The following STIMATE variants were observed in gnomAD, a reference collection of about 807,000 sequenced individuals.
The protein encoded by STIMATE is store-operated calcium entry regulator STIMATE.
A neutral mutation model predicts 36.7 loss-of-function variants in STIMATE; 15 were observed. The observed-to-expected ratio is 0.41, with a 90% CI of 0.27 to 0.63. The LOEUF (loss-of-function observed/expected upper bound fraction) is 0.63, where lower values mean the gene tolerates loss of function less well. STIMATE is among the 20% of genes least tolerant of loss of function. The pLI, the probability that STIMATE is intolerant of heterozygous loss-of-function variation, is 0.32. For synonymous variants in STIMATE, 163 were observed against 162.3 expected (o/e 1.00, Z -0.03); for missense variants, 305 against 397.3 (o/e 0.77, Z 1.98).
chr3:52,845,381 C>G (rs1447823715), intron 4 of STIMATE, among the ~76,000 whole-genome samples: 1 of 152,230 alleles, frequency 6.6e-6, no homozygotes, highest in Non-Finnish European at 1.5e-5. Flanking sequence ...GATGATGAAG[C>G]AGGACCCAGT....
intron 1 of STIMATE, among the ~76,000 whole-genome samples, chr3:52,894,788 G>A (rs1403400454): frequency 6.6e-6 from 1 of 152,216 alleles, no homozygotes; most frequent in African/African-American, 2.4e-5. Context: ...CGTTCCAGAA[G>A]ACAGGCAGTG....
chr3:52,852,791 AC>A, intron 2 of STIMATE, 93 bp from the exon 3 acceptor site: 1 of 1,482,134 alleles, frequency 6.7e-7, no homozygotes. Context: ...GAAGAAAGCC[AC>A]CCCAACCTTC....
intron 1 of STIMATE, among the ~76,000 whole-genome samples, chr3:52,855,902 A>G (rs2106674743): frequency 6.6e-6 from 1 of 152,366 alleles, no homozygotes; most frequent in African/African-American, 2.4e-5. Flanking sequence ...AGACACGTAC[A>G]TATCACATAC....
intron 1 of STIMATE, among the ~76,000 whole-genome samples, chr3:52,888,083 C>A (rs1315062560): frequency 4.0e-5 from 5 of 125,558 alleles, no homozygotes; most frequent in African/African-American, 1.5e-4. Context: ...GGGCTCTTGA[C>A]AGAAAAAAAA....
chr3:52,845,774 C>T (rs1700884693), intron 4 of STIMATE, among the ~76,000 whole-genome samples: 1 of 152,080 alleles, frequency 6.6e-6, no homozygotes, highest in African/African-American at 2.4e-5. Context: ...ATATGAAGAA[C>T]CCTAGGGTGG....
At chr3:52,848,436 G>C (rs1163965335) in intron 4 of STIMATE, 1 of 152,244 alleles carries the variant, frequency 6.6e-6, no homozygotes, top group African/African-American at 2.4e-5. Flanking sequence ...TGATGTATCC[G>C]AACCAGACCT....
At chr3:52,860,054 CTTTT>C (rs11295590) in intron 1 of STIMATE, among the ~76,000 whole-genome samples, 10 of 132,480 alleles carry the variant, frequency 7.5e-5, no homozygotes, top group Non-Finnish European at 1.1e-4. Flanking sequence ...AGTCCAGATT[CTTTT>C]TTTTTTTTTT....
intron 1 of STIMATE, among the ~76,000 whole-genome samples, chr3:52,874,249 G>T (rs1472103725): frequency 6.6e-6 from 1 of 152,122 alleles, no homozygotes; most frequent in Non-Finnish European, 1.5e-5. Context: ...GAGTTTTATG[G>T]TACATAAATT....
chr3:52,878,946 AT>A (rs989305414), intron 1 of STIMATE, among the ~76,000 whole-genome samples: 2 of 152,210 alleles, frequency 1.3e-5, no homozygotes, highest in African/African-American at 4.8e-5. Flanking sequence ...GGATGTTGCG[AT>A]AGCATCCACT....
chr3:52,853,845 A>AT (rs34092621), intron 2 of STIMATE, among the ~76,000 whole-genome samples: 56,493 of 152,084 alleles, frequency 0.37, 10,875 homozygotes, highest in Admixed American at 0.51. Flanking sequence ...TAAAATGGCT[A>AT]TTTTGTTAGG....
intron 1 of STIMATE, among the ~76,000 whole-genome samples, chr3:52,876,795 T>C (rs761194798): frequency 6.6e-6 from 1 of 152,234 alleles, no homozygotes; most frequent in Non-Finnish European, 1.5e-5. Flanking sequence ...TGGGTCAGGC[T>C]TCTAGTCAAC....
chr3:52,882,421 C>A (rs1701620970), intron 1 of STIMATE, among the ~76,000 whole-genome samples: 1 of 152,162 alleles, frequency 6.6e-6, no homozygotes, highest in South Asian at 2.1e-4. Context: ...TGGCTGGGGT[C>A]CATCATGGAG....
At chr3:52,867,810 G>T (rs1701336183) in intron 1 of STIMATE, among the ~76,000 whole-genome samples, 1 of 152,240 alleles carries the variant, frequency 6.6e-6, no homozygotes, top group African/African-American at 2.4e-5. Context: ...TGTGGAAAAT[G>T]GTAGGGGAAT....
intron 1 of STIMATE, among the ~76,000 whole-genome samples, chr3:52,860,029 C>G (rs1450771417): frequency 6.7e-6 from 1 of 149,184 alleles, no homozygotes; most frequent in African/African-American, 2.5e-5. Flanking sequence ...ACCTCCTATC[C>G]CCTTTCCCTA....
intron 1 of STIMATE, among the ~76,000 whole-genome samples, chr3:52,878,038 G>A (rs1046142184): frequency 2.0e-5 from 3 of 151,014 alleles, no homozygotes; most frequent in Non-Finnish European, 4.4e-5. Context: ...AGCTTGCAGT[G>A]AGCTGAGATC....
At chr3:52,869,796 T>C (rs1301981163) in intron 1 of STIMATE, among the ~76,000 whole-genome samples, 1 of 152,206 alleles carries the variant, frequency 6.6e-6, no homozygotes. Context: ...AGCTTAGTGT[T>C]TGCGAGTATG....
intron 1 of STIMATE, among the ~76,000 whole-genome samples, chr3:52,891,096 ATAAT>A (rs1701775251): frequency 6.6e-6 from 1 of 152,260 alleles, no homozygotes. Flanking sequence ...TTAAATAAAA[ATAAT>A]TATCAAGAAA....
At chr3:52,854,884 G>A (rs80280396) in intron 2 of STIMATE, among the ~76,000 whole-genome samples, 1,924 of 152,330 alleles carry the variant, frequency 0.013, 49 homozygotes, top group African/African-American at 0.045. Context: ...TGGAAAGCTG[G>A]TTGATGCTGG....
chr3:52,859,983 G>C (rs1172394378), intron 1 of STIMATE, among the ~76,000 whole-genome samples: 1 of 150,920 alleles, frequency 6.6e-6, no homozygotes, highest in Non-Finnish European at 1.5e-5. Context: ...CAGAGCAGAA[G>C]TGTGGGGCTG....
Sources: gnomAD v4.1 joint callset for allele counts (sites outside exome capture counted in the v4.1 genomes callset) on GRCh38, gnomAD v4.1.1 for gene constraint, MANE v1.5 for transcripts, NCBI Gene and HGNC (gene_info 2026-07-23, HGNC 2026-07-21) for gene names.